The following PKIB variants were observed in gnomAD, a reference collection of about 807,000 sequenced individuals.
The protein encoded by PKIB is cAMP-dependent protein kinase inhibitor beta, also known as PKI-beta.
In PKIB, 2 loss-of-function variants were observed where a neutral mutation model predicts 4.5. The ratio of observed to expected loss-of-function variants is 0.44; its 90% confidence interval spans 0.18 to 1.39. The LOEUF is 1.39. Among genes scored for constraint, PKIB ranks in the 40% most tolerant of loss-of-function variants. The pLI is 0.27. For missense variants in PKIB, 94 were observed against 92.6 expected, an observed-to-expected ratio of 1.02 and a Z score of -0.06; for synonymous variants, 38 against 36.0, an observed-to-expected ratio of 1.06 and a Z score of -0.20.
At chr6:122,632,137 T>C (rs528835089) in intron 1 of PKIB, among the ~76,000 whole-genome samples, 4 of 152,200 alleles carry the variant, frequency 2.6e-5, no homozygotes, top group African/African-American at 9.6e-5. Context: ...GCAAATGGAA[T>C]TGGAATGAAG....
intron 3 of PKIB, among the ~76,000 whole-genome samples, chr6:122,690,081 T>C (rs1281185361): frequency 6.6e-6 from 1 of 152,176 alleles, no homozygotes; most frequent in Admixed American, 6.5e-5. Context: ...CTGCTCTTTT[T>C]TGACTTCCAT....
chr6:122,685,185 G>A lies in PKIB; in HGVS notation c.-9+10041G>A, dbSNP rs573164237. On this transcript the variant is annotated intron_variant, in intron 3 of 4. Transcript: ENST00000368452. ...ATCATGAATTAAAGGGGGAGATTGT[G>A]CCAAAGTGTAGGTAATACCAAAAAG... Among the ~76,000 whole-genome samples the A allele has an allele frequency of 4.3e-4, 66 of 152,204 alleles. 2 individuals carry two copies. In the South Asian group the frequency reaches 0.013, roughly 31 times the overall value.
At chr6:122,718,560 A>G (rs1779599595) in intron 4 of PKIB, among the ~76,000 whole-genome samples, 1 of 152,168 alleles carries the variant, frequency 6.6e-6, no homozygotes, top group African/African-American at 2.4e-5. Flanking sequence ...AAAACCCTGA[A>G]TCAAAGTTAA....
intron 2 of PKIB, among the ~76,000 whole-genome samples, chr6:122,530,126 A>G (rs1462218562): frequency 2.0e-5 from 3 of 150,562 alleles, no homozygotes; most frequent in Non-Finnish European, 3.0e-5. Context: ...ACTCTTTTTT[A>G]TGTTTGATTC....
intron 2 of PKIB, among the ~76,000 whole-genome samples, chr6:122,523,137 T>C (rs113240075): frequency 3.3e-5 from 5 of 152,194 alleles, no homozygotes; most frequent in Non-Finnish European, 7.4e-5. Context: ...AAATGGCCTT[T>C]ATTATGTTGA....
At chr6:122,563,928 G>A (rs574939855) in intron 2 of PKIB, among the ~76,000 whole-genome samples, 1 of 152,290 alleles carries the variant, frequency 6.6e-6, no homozygotes, top group South Asian at 2.1e-4. Context: ...GGTGGAGTCT[G>A]CACACCAGAT....
chr6:122,587,725 G>T (rs1247364377), intron 3 of PKIB, among the ~76,000 whole-genome samples: 1 of 152,142 alleles, frequency 6.6e-6, no homozygotes, highest in Non-Finnish European at 1.5e-5. Context: ...CATTCTAACT[G>T]GTGTGAGATG....
intron 2 of PKIB, among the ~76,000 whole-genome samples, chr6:122,581,290 T>C (rs765302885): frequency 7.9e-5 from 12 of 152,188 alleles, no homozygotes; most frequent in African/African-American, 1.2e-4. Flanking sequence ...AAATGTTGGT[T>C]TCAATGTAGA....
At chr6:122,711,677 A>G (rs779305706) in intron 3 of PKIB, among the ~76,000 whole-genome samples, 145 of 152,300 alleles carry the variant, frequency 9.5e-4, no homozygotes, top group Non-Finnish European at 1.8e-3. Context: ...CTTTTTTATC[A>G]TTAACAACAT....
chr6:122,688,926 G>A (rs1315366792), intron 3 of PKIB, among the ~76,000 whole-genome samples: 1 of 151,686 alleles, frequency 6.6e-6, no homozygotes, highest in Non-Finnish European at 1.5e-5. Flanking sequence ...GACTACAGAC[G>A]CCCGCCACCA....
chr6:122,646,164 T>C (rs891702830), intron 2 of PKIB, among the ~76,000 whole-genome samples: 13 of 152,200 alleles, frequency 8.5e-5, no homozygotes, highest in Admixed American at 4.6e-4. Flanking sequence ...AATTAGGAAG[T>C]AGATCTTTGT....
chr6:122,615,783 T>TA (rs922069207), intron 1 of PKIB, among the ~76,000 whole-genome samples: 2 of 152,132 alleles, frequency 1.3e-5, no homozygotes, highest in Non-Finnish European at 2.9e-5. Flanking sequence ...TATGAAACTG[T>TA]AAACCAAGGG....
At chr6:122,519,069 A>G (rs1167868836) in intron 2 of PKIB, among the ~76,000 whole-genome samples, 2 of 152,142 alleles carry the variant, frequency 1.3e-5, no homozygotes, top group Admixed American at 6.5e-5. Flanking sequence ...GGCTAGGGGT[A>G]CCAGTCCGTG....
intron 1 of PKIB, among the ~76,000 whole-genome samples, chr6:122,613,452 A>G (rs967224180): frequency 2.0e-5 from 3 of 152,142 alleles, no homozygotes; most frequent in African/African-American, 7.2e-5. Flanking sequence ...ATATACAAAA[A>G]TCACATATTA....
intron 2 of PKIB, among the ~76,000 whole-genome samples, chr6:122,578,154 T>C (rs975477498): frequency 2.0e-5 from 3 of 152,088 alleles, no homozygotes; most frequent in Admixed American, 6.5e-5. Flanking sequence ...TCCAGGAAGA[T>C]GGATTCTACT....
chr6:122,493,794 AC>A (rs1171158980), intron 2 of PKIB, among the ~76,000 whole-genome samples: 2 of 152,102 alleles, frequency 1.3e-5, no homozygotes, highest in Non-Finnish European at 2.9e-5. Flanking sequence ...GTCTTTGCCG[AC>A]TTAACCTTGG....
intron 2 of PKIB, among the ~76,000 whole-genome samples, chr6:122,513,668 C>T (rs147076302): frequency 1.6e-4 from 25 of 152,118 alleles, no homozygotes; most frequent in African/African-American, 5.3e-4. Flanking sequence ...TTTATTGTCC[C>T]GATCTTTAGT....
At chr6:122,674,968 A>T (rs971193719) in intron 2 of PKIB, 110 bp from the exon 3 acceptor site, 5 of 152,346 alleles carry the variant, frequency 3.3e-5, no homozygotes, top group Non-Finnish European at 7.4e-5. Flanking sequence ...GCAAGTCATG[A>T]TGTTTACCAG....
chr6:122,602,955 C>CAAAA (rs71021410), intron 3 of PKIB, among the ~76,000 whole-genome samples: 5 of 74,870 alleles, frequency 6.7e-5, no homozygotes, highest in Admixed American at 1.7e-4. Context: ...GACTGCGTCT[C>CAAAA]AAAAAAAAAA....
Sources: allele counts gnomAD v4.1 joint callset (sites outside exome capture counted in the v4.1 genomes callset), GRCh38; gene constraint gnomAD v4.1.1; transcripts MANE v1.5; gene names NCBI Gene and HGNC (gene_info 2026-07-23, HGNC 2026-07-21).